AGBL1: variants seen among roughly 807,000 people sequenced by gnomAD.
AGBL1 encodes cytosolic carboxypeptidase 4.
AGBL1 carries 130 observed loss-of-function variants against 118.9 expected under a neutral mutation model. The observed-to-expected ratio is 1.09, with a 90% CI of 0.95 to 1.26. The LOEUF (loss-of-function observed/expected upper bound fraction) is 1.26. Among genes scored for constraint, AGBL1 ranks in the 50% most tolerant of loss-of-function variants. The pLI, the probability that AGBL1 is intolerant of heterozygous loss-of-function variation, is 0.00. For missense variants in AGBL1, 1,584 were observed against 1,298.1 expected (o/e 1.22, Z -3.38); for synonymous variants, 555 against 478.9 (o/e 1.16, Z -2.08).
intron 24 of AGBL1, among the ~76,000 whole-genome samples, chr15:87,002,623 T>C (rs185367747): frequency 7.4e-4 from 113 of 152,334 alleles, no homozygotes; most frequent in African/African-American, 2.7e-3. Flanking sequence ...TGGAATGTTC[T>C]TCCATTTGTT....
rs80320333 is a variant in AGBL1, at chr15:86,519,903, G to A, written c.2556-2907G>A. Among the ~76,000 whole-genome samples, 1,109 of 152,220 alleles carry A rather than the reference G, an allele frequency of 7.3e-3. 7 individuals are homozygous for A. Among genetic ancestry groups the A allele is most frequent in the Non-Finnish European group, 0.011 (755 of 68,008 alleles). On this transcript the variant is annotated intron_variant, in intron 18 of 22. Transcript: ENST00000614907. ...TCTTAGATGTGGTCCTCCTTTGTGT[G>A]CTGTTTAACAGCCCAAATTTCAATC...
chr15:86,264,804 C>T lies in AGBL1; in HGVS notation c.1633C>T (p.Gln545Ter). Residue 545 changes from glutamine to a stop codon, truncating the protein, a stop_gained, in exon 11 of 23, where the codon CAG becomes TAG. Coordinates refer to ENST00000614907, the MANE Select transcript of AGBL1 (RefSeq NM_001386094.1). LOFTEE classifies it high-confidence loss of function. ...VWGHCPPPTT[Q>*]PMLERKCGVQ... ...GGGACACTGTCCCCCTCCCACCACC[C>T]AGCCTATGTTGGAACGAAAATGTGG... The T allele has an allele frequency of 6.2e-7, 1 of 1,612,852 alleles. No individual in the cohort carries two copies. Among genetic ancestry groups the T allele is most frequent in the Non-Finnish European group, 8.5e-7 (1 of 1,179,442 alleles).
At chr15:86,754,880 C>T (rs2077912779) in intron 22 of AGBL1, among the ~76,000 whole-genome samples, 1 of 152,086 alleles carries the variant, frequency 6.6e-6, no homozygotes, top group Non-Finnish European at 1.5e-5. Flanking sequence ...AGCTCATCCC[C>T]ATTCCTCTCC....
intron 22 of AGBL1, among the ~76,000 whole-genome samples, chr15:86,811,435 C>G (rs1173800699): frequency 1.3e-5 from 2 of 152,128 alleles, no homozygotes; most frequent in Non-Finnish European, 2.9e-5. Context: ...ATACAGCTCT[C>G]TTCCCTGGCC....
chr15:86,323,032 C>T (rs2080128456), intron 17 of AGBL1, among the ~76,000 whole-genome samples: 1 of 152,110 alleles, frequency 6.6e-6, no homozygotes, highest in African/African-American at 2.4e-5. Flanking sequence ...AACCAAAACT[C>T]AAAATCTCTA....
At chr15:86,494,435 G>A (rs924200996) in intron 18 of AGBL1, among the ~76,000 whole-genome samples, 2 of 151,962 alleles carry the variant, frequency 1.3e-5, no homozygotes, top group Non-Finnish European at 2.9e-5. Flanking sequence ...GTTGACTATG[G>A]AGTATCATTA....
chr15:86,525,467 T>C (rs1310268641), intron 19 of AGBL1, among the ~76,000 whole-genome samples: 4 of 152,166 alleles, frequency 2.6e-5, no homozygotes, highest in Admixed American at 6.5e-5. Flanking sequence ...GGCATCACAT[T>C]ACTGGATTTC....
intron 22 of AGBL1, among the ~76,000 whole-genome samples, chr15:86,768,789 C>A (rs1369986348): frequency 1.3e-5 from 2 of 151,962 alleles, no homozygotes; most frequent in Non-Finnish European, 2.9e-5. Flanking sequence ...TAAGTTCCAG[C>A]AAATCAGGGG....
At chr15:86,776,685 A>G (rs956316490) in intron 22 of AGBL1, among the ~76,000 whole-genome samples, 1 of 149,634 alleles carries the variant, frequency 6.7e-6, no homozygotes, top group African/African-American at 2.5e-5. Context: ...TTTTATTTGA[A>G]TGGATAGCAT....
At chr15:86,434,988 T>C (rs1442858534) in intron 18 of AGBL1, among the ~76,000 whole-genome samples, 1 of 152,192 alleles carries the variant, frequency 6.6e-6, no homozygotes, top group Non-Finnish European at 1.5e-5. Flanking sequence ...TGTCCAATAG[T>C]AAGTTTTTCT....
rs534232586 is a variant in AGBL1, at chr15:86,579,260, C to A, written c.2994+24723C>A. ...GATCTTAGCAAAATGGAATCCTGGGCAAAATCTCAAAAGAGGAACTTAAAA... is the reference window on the plus strand; with the variant it reads ...GATCTTAGCAAAATGGAATCCTGGGAAAAATCTCAAAAGAGGAACTTAAAA... On this transcript the variant is annotated intron_variant, in intron 21 of 22. Transcript: ENST00000614907. Among the ~76,000 whole-genome samples the A allele has an allele frequency of 2.6e-5, 4 of 152,176 alleles. No homozygotes were observed. The East Asian group carries it at 5.8e-4, about 22-fold the overall frequency.
At chr15:86,520,807 G>A (rs2083180429) in intron 18 of AGBL1, among the ~76,000 whole-genome samples, 1 of 152,288 alleles carries the variant, frequency 6.6e-6, no homozygotes, top group African/African-American at 2.4e-5. Context: ...TGGGGCTCTG[G>A]GATGTTGTGC....
At chr15:86,224,434 G>C (rs1429488345) in intron 5 of AGBL1, among the ~76,000 whole-genome samples, 2 of 152,122 alleles carry the variant, frequency 1.3e-5, no homozygotes, top group African/African-American at 4.8e-5. Flanking sequence ...TGCAATGTGT[G>C]AATGCATTTT....
intron 17 of AGBL1, among the ~76,000 whole-genome samples, chr15:86,311,901 C>T (rs532968398): frequency 2.6e-5 from 4 of 152,288 alleles, no homozygotes; most frequent in South Asian, 2.1e-4. Flanking sequence ...ACTTACAGGG[C>T]GGGTGTAATT....
At chr15:86,672,794 A>G (rs1430457710) in intron 21 of AGBL1, among the ~76,000 whole-genome samples, 1 of 152,206 alleles carries the variant, frequency 6.6e-6, no homozygotes, top group Non-Finnish European at 1.5e-5. Context: ...GCTGTTGCTT[A>G]AGGAGGAACT....
chr15:86,240,880 AT>A (rs1164376827), intron 6 of AGBL1, among the ~76,000 whole-genome samples: 1 of 152,190 alleles, frequency 6.6e-6, no homozygotes, highest in Admixed American at 6.5e-5. Flanking sequence ...TTACTCATAT[AT>A]GTCTTATCAA....
At chr15:86,232,794 G>C (rs1201872916) in intron 6 of AGBL1, among the ~76,000 whole-genome samples, 1 of 152,118 alleles carries the variant, frequency 6.6e-6, no homozygotes, top group Non-Finnish European at 1.5e-5. Flanking sequence ...ACCATGTAAG[G>C]ACAATGCCCT....
At chr15:86,262,718 T>A in intron 9 of AGBL1, 60 bp from the exon 10 acceptor site, 1 of 1,163,686 alleles carries the variant, frequency 8.6e-7, no homozygotes, top group Non-Finnish European at 1.3e-6. Flanking sequence ...ATATCATGTC[T>A]TGATGCTTCT....
At chr15:86,503,723 T>C (rs1321087817) in intron 18 of AGBL1, among the ~76,000 whole-genome samples, 1 of 151,440 alleles carries the variant, frequency 6.6e-6, no homozygotes, top group Non-Finnish European at 1.5e-5. Flanking sequence ...TTAATTTCCA[T>C]GTGCTTATAA....
Sources: allele counts gnomAD v4.1 joint callset (sites outside exome capture counted in the v4.1 genomes callset), GRCh38; gene constraint gnomAD v4.1.1; transcripts MANE v1.5; gene names NCBI Gene and HGNC (gene_info 2026-07-23, HGNC 2026-07-21).